Variants in RBM10 observed in about 807,000 individuals in gnomAD.
The protein encoded by RBM10 is RNA binding motif protein 10.
In RBM10, 1 loss-of-function variant was observed where a neutral mutation model predicts 84.9. The observed-to-expected ratio is 0.01, with a 90% CI of 0.00 to 0.06. RBM10 has a LOEUF of 0.06. Ranked by LOEUF, RBM10 falls within the 10% of genes least tolerant of loss-of-function variation. The pLI, the probability that RBM10 is intolerant of heterozygous loss-of-function variation, is 1.00. For synonymous variants in RBM10, 326 were observed against 344.5 expected (o/e 0.95, Z 0.60); for missense variants, 438 against 839.0 (o/e 0.52, Z 5.90).
chrX:47,175,360 C>T (rs1170607957), intron 6 of RBM10, among the ~76,000 whole-genome samples: 2 of 110,410 alleles, frequency 1.8e-5, no homozygotes, highest in African/African-American at 3.3e-5. Context: ...CCCAGCTGAG[C>T]GTTCAGAGAA....
At chrX:47,155,650 A>G (rs781790402) in intron 2 of RBM10, among the ~76,000 whole-genome samples, 245 of 100,498 alleles carry the variant, frequency 2.4e-3, no homozygotes, top group African/African-American at 8.3e-3. Context: ...GGAGAATGTC[A>G]TGAACCCGGG....
At chrX:47,175,627 G>A (rs1345329896) in intron 6 of RBM10, among the ~76,000 whole-genome samples, 1 of 111,276 alleles carries the variant, frequency 9.0e-6, no homozygotes, top group Admixed American at 9.5e-5. Context: ...TCAAGTTCCC[G>A]TCGAGTATGA....
chrX:47,172,378 C>T (rs1212150727), intron 4 of RBM10, among the ~76,000 whole-genome samples: 1 of 112,016 alleles, frequency 8.9e-6, no homozygotes, highest in Non-Finnish European at 1.9e-5. Context: ...TGTTGTTTAA[C>T]CTGGTGGGGA....
chrX:47,173,889 ATC>A (rs537480494), intron 5 of RBM10, among the ~76,000 whole-genome samples: 7,846 of 38,380 alleles, frequency 0.2, 664 homozygotes, highest in Non-Finnish European at 0.25. Context: ...CCACACCTCC[ATC>A]TCTCTCTCTC....
At chrX:47,171,651 G>A (rs1362332462) in intron 4 of RBM10, among the ~76,000 whole-genome samples, 1 of 112,648 alleles carries the variant, frequency 8.9e-6, no homozygotes, top group African/African-American at 3.2e-5. Context: ...AACCATTGGG[G>A]GAGGGATGGG....
chrX:47,156,227 A>G (rs1224714017), intron 2 of RBM10, among the ~76,000 whole-genome samples: 2 of 111,291 alleles, frequency 1.8e-5, no homozygotes, highest in African/African-American at 6.5e-5. Context: ...AGATTTATTC[A>G]TTTTCCTTTT....
At chrX:47,178,794 G>A (rs1201635766) in intron 7 of RBM10, among the ~76,000 whole-genome samples, 1 of 112,245 alleles carries the variant, frequency 8.9e-6, no homozygotes, top group Non-Finnish European at 1.9e-5. Context: ...ACCTGAGGCG[G>A]GGAACAGTCC....
At position 47,185,213 on chromosome X, in the gene RBM10, G is replaced by A. The variant is rs2147211927; in HGVS notation, c.2100+9G>A. ...CCATCCTCGAGAAGAAGGTGTGTTG[G>A]GGCCACCCCCCTGCACCCTGCCCCA... On this transcript the variant is annotated intron_variant, in intron 18 of 23. Transcript: ENST00000377604. The A allele has an allele frequency of 1.6e-6, 2 of 1,212,457 alleles. No individual in the cohort carries two copies. The highest frequency in any genetic ancestry group is 2.2e-6 in the Non-Finnish European group (2 of 895,618).
Position 47,171,064 on chromosome X carries a change from C to T in RBM10, c.238C>T (p.Arg80Cys), listed in dbSNP as rs781862400. 4.1e-6 allele frequency: 5 copies of T among 1,210,829 alleles called. No individual in the cohort carries two copies. Among genetic ancestry groups the T allele is most frequent in the East Asian group, 3.0e-5 (1 of 33,813 alleles). ...YEASPGSETQ[R>C]RRRRRHRHSP... ...GGCCTCCCCGGGCTCCGAGACTCAG[C>T]GTAGGCGGCGGCGGCGGCACAGGCA... The change falls in exon 4 of 24, where the codon CGT (arginine) becomes TGT (cysteine). Residue 80 changes from arginine to cysteine, a missense_variant. Arg to Cys is a radical substitution (Grantham distance 180). Around this residue, in one of 8 missense-constraint regions of RBM10, gnomAD observed 92 missense variants for 134.3 expected, o/e 0.69. Coordinates refer to ENST00000377604, the MANE Select transcript of RBM10 (RefSeq NM_005676.5).
At chrX:47,149,817 ATTTTTTT>A (rs1219884284) in intron 2 of RBM10, among the ~76,000 whole-genome samples, 2 of 86,064 alleles carry the variant, frequency 2.3e-5, no homozygotes, top group Non-Finnish European at 4.6e-5. Context: ...TGCTAGCATC[ATTTTTTT>A]TTTTTTTTTT....
rs1284364343 is a variant in RBM10 at position 47,173,288 on chromosome X, C to T, written c.502+91C>T. On this transcript the variant is annotated intron_variant, in intron 5 of 23. Coordinates refer to ENST00000377604, the MANE Select transcript of RBM10 (RefSeq NM_005676.5). Reference sequence around the variant, plus strand: ...CCTCTGCCTTCTCCCCCACTCCCTCCACCACCTTCCTGCCACAGCTGGGAA... The same window carrying T: ...CCTCTGCCTTCTCCCCCACTCCCTCTACCACCTTCCTGCCACAGCTGGGAA... 13 of 1,171,618 alleles carry T rather than the reference C, an allele frequency of 1.1e-5. No homozygotes were observed. The African/African-American group carries it at 2.1e-4, about 19-fold the overall frequency.
intron 1 of RBM10, among the ~76,000 whole-genome samples, chrX:47,146,467 T>C (rs782507947): frequency 9.0e-6 from 1 of 111,715 alleles, no homozygotes; most frequent in East Asian, 2.8e-4. Flanking sequence ...TATTATTGCC[T>C]GGCTTTACCT....
intron 2 of RBM10, among the ~76,000 whole-genome samples, chrX:47,164,781 A>G (rs1934040309): frequency 8.9e-6 from 1 of 112,086 alleles, no homozygotes; most frequent in Admixed American, 9.6e-5. Context: ...TATACCCAAA[A>G]GAATTGAAAG....
At chrX:47,162,827 C>T (rs1160606759) in intron 2 of RBM10, among the ~76,000 whole-genome samples, 2 of 107,256 alleles carry the variant, frequency 1.9e-5, no homozygotes, top group Non-Finnish European at 3.8e-5. Flanking sequence ...GCTGAGATGG[C>T]GCCACCGCAC....
At chrX:47,162,273 G>C (rs1158047497) in intron 2 of RBM10, among the ~76,000 whole-genome samples, 1 of 111,987 alleles carries the variant, frequency 8.9e-6, no homozygotes, top group Non-Finnish European at 1.9e-5. Flanking sequence ...AGCTATTGCC[G>C]AATTCTCCTC....
At chrX:47,180,341 T>G in intron 11 of RBM10, 32 bp downstream of exon 11, 2 of 541,132 alleles carry the variant, frequency 3.7e-6, no homozygotes, top group Non-Finnish European at 5.5e-6. Context: ...CTTCCCACCC[T>G]TCCCCTCCCC....
intron 2 of RBM10, among the ~76,000 whole-genome samples, chrX:47,150,314 G>A (rs1391287247): frequency 2.7e-5 from 3 of 109,486 alleles, no homozygotes; most frequent in Non-Finnish European, 5.7e-5. Context: ...TGCTACAGGC[G>A]CCCGCCACCA....
At chrX:47,161,158 AG>A (rs1933651932) in intron 2 of RBM10, among the ~76,000 whole-genome samples, 1 of 109,660 alleles carries the variant, frequency 9.1e-6, no homozygotes, top group Non-Finnish European at 1.9e-5. Flanking sequence ...TGTGTTACCC[AG>A]GCTGGGTCTG....
chrX:47,179,667 G>A lies in RBM10; in HGVS notation c.901+172G>A, dbSNP rs782032714. 9 of 760,544 alleles carry A rather than the reference G, an allele frequency of 1.2e-5. No homozygotes were observed. The East Asian group carries it at 2.1e-4, about 18-fold the overall frequency. 62.7% of individuals were successfully genotyped at this position (760,544 alleles called of 1,213,427 possible). On this transcript the variant is annotated intron_variant, in intron 9 of 23. Coordinates refer to ENST00000377604, the MANE Select transcript of RBM10 (RefSeq NM_005676.5). ...GAGTGGCAACATCCCACCTGACTTT[G>A]GGGGTGTGTCGGGAAGGTTCTCAGC...
Sources: allele counts gnomAD v4.1 joint callset (sites outside exome capture counted in the v4.1 genomes callset), GRCh38; gene constraint gnomAD v4.1.1; regional missense constraint gnomAD v4.1.1; transcripts MANE v1.5; gene names NCBI Gene and HGNC (gene_info 2026-07-23, HGNC 2026-07-21).